Variants in GARNL3 observed in about 807,000 individuals in gnomAD.
GARNL3 encodes the protein GTPase-activating Rap/Ran-GAP domain-like protein 3.
GARNL3 carries 63 observed loss-of-function variants against 125.0 expected under a neutral mutation model. That is an observed-to-expected ratio of 0.50 (90% confidence interval 0.41 to 0.62). GARNL3 has a LOEUF of 0.62. Ranked by LOEUF, GARNL3 falls within the 20% of genes least tolerant of loss-of-function variation. The pLI is 0.00. For synonymous variants in GARNL3, 439 were observed against 457.5 expected, an observed-to-expected ratio of 0.96 and a Z score of 0.52; for missense variants, 994 against 1,244.0, an observed-to-expected ratio of 0.80 and a Z score of 3.02.
chr9:127,380,250 C>T (rs989165779), intron 22 of GARNL3, among the ~76,000 whole-genome samples: 6 of 144,834 alleles, frequency 4.1e-5, no homozygotes, highest in Non-Finnish European at 7.6e-5. Context: ...CAGTATTTCT[C>T]CCTGGGACAT....
Position 127,349,155 on chromosome 9 carries a change from G to A in GARNL3, c.1543+120G>A, listed in dbSNP as rs59477966. ...ATGTGTGATCTGCAGAGAGTTTAGC[G>A]AAGTTTTATTTCCTTATGAAATTAA... is the stretch of plus-strand genomic sequence containing the variant. On this transcript the variant is annotated intron_variant, in intron 17 of 27. Coordinates refer to ENST00000373387, the MANE Select transcript of GARNL3 (RefSeq NM_032293.5). 4,662 of 717,692 alleles carry A rather than the reference G, an allele frequency of 6.5e-3. 131 individuals carry two copies. The East Asian group carries it at 0.075, about 12-fold the overall frequency. The allele number at this position is 717,692 out of a possible 1,614,324, so 44.5% of individuals were successfully genotyped here. A position where few individuals can be genotyped will look rare whatever the true frequency, so the allele number is the denominator to read the frequency against.
rs1284330173 is a variant in GARNL3, at chr9:127,242,851, T to C, written c.-28-228T>C. Among the ~76,000 whole-genome samples the C allele has an allele frequency of 6.6e-6, 1 of 152,114 alleles. No homozygotes were observed. On this transcript the variant is annotated intron_variant, in intron 1 of 10. Transcript: ENST00000439286. This position sits in a 1 kb window ranked among gnomAD's most constrained non-coding sequence, Gnocchi z 4.6. ...TTTATACTCCGCGGACTTAACTGAT[T>C]GCTGAGGGATGTAACAGGACTTGGA...
At chr9:127,333,677 A>G (rs1379884598) in intron 9 of GARNL3, among the ~76,000 whole-genome samples, 1 of 152,072 alleles carries the variant, frequency 6.6e-6, no homozygotes, top group Non-Finnish European at 1.5e-5. Context: ...AGCAGAGAGA[A>G]CATCCATGAA....
chr9:127,390,535 C>T, intron 26 of GARNL3, 106 bp from the exon 27 acceptor site: 1 of 972,976 alleles, frequency 1.0e-6, no homozygotes, highest in Non-Finnish European at 1.6e-6. Context: ...CTTCCTGACT[C>T]TAGCACAACA....
chr9:127,389,366 C>T (rs1050847245), intron 26 of GARNL3, among the ~76,000 whole-genome samples: 7 of 152,142 alleles, frequency 4.6e-5, no homozygotes, highest in African/African-American at 1.7e-4. Context: ...GGGAAATGGG[C>T]AGTTTATAAA....
chr9:127,354,560 CAGA>C (rs938686086), intron 19 of GARNL3, 150 bp downstream of exon 19: 1 of 558,564 alleles, frequency 1.8e-6, no homozygotes, highest in Non-Finnish European at 3.2e-6. Flanking sequence ...TCACTGTTTC[CAGA>C]AGGAGCTTGA....
At chr9:127,333,540 T>A (rs142102694) in intron 9 of GARNL3, among the ~76,000 whole-genome samples, 46 of 152,252 alleles carry the variant, frequency 3.0e-4, no homozygotes, top group Non-Finnish European at 6.0e-4. Flanking sequence ...GAAGAAAAAG[T>A]ACAGAGTGCT....
At chr9:127,348,183 G>A (rs541294163) in intron 16 of GARNL3, among the ~76,000 whole-genome samples, 39 of 152,308 alleles carry the variant, frequency 2.6e-4, no homozygotes, top group African/African-American at 9.1e-4. Flanking sequence ...CCAGTGCTTT[G>A]GAGGGAAGCT....
chr9:127,291,327 A>C, intron 2 of GARNL3, 85 bp downstream of exon 2: 1 of 1,179,394 alleles, frequency 8.5e-7, no homozygotes, highest in Non-Finnish European at 1.3e-6. Context: ...GTTCTGGAAG[A>C]GGTAAATAGA....
chr9:127,263,979 C>A, upstream of GARNL3: 2 of 1,528,488 alleles, frequency 1.3e-6, no homozygotes, highest in East Asian at 4.9e-5. Flanking sequence ...TGCAACCTAC[C>A]TTTTAAGGAA....
intron 21 of GARNL3, chr9:127,362,918 G>A (rs770874549): frequency 3.9e-5 from 6 of 152,254 alleles, no homozygotes; most frequent in Non-Finnish European, 8.8e-5. Context: ...GAAACTGAAG[G>A]TCCGAGAGGG....
Position 127,274,913 on chromosome 9 carries a change from T to C in GARNL3, c.144+9892T>C, listed in dbSNP as rs1272210305. 2.6e-5 allele frequency among the ~76,000 whole-genome samples: 4 copies of C among 152,150 alleles called. No homozygotes were observed. In the East Asian group the frequency reaches 5.8e-4, roughly 22 times the overall value. On this transcript the variant is annotated intron_variant, in intron 1 of 27. Coordinates refer to ENST00000373387, the MANE Select transcript of GARNL3 (RefSeq NM_032293.5). ...CATAAGTCTCTAAACACACAGACTT[T>C]CTTGGTGTCTGTTTGGTAACAGCCG...
intron 1 of GARNL3, among the ~76,000 whole-genome samples, chr9:127,284,164 G>T (rs1047745340): frequency 1.3e-5 from 2 of 152,060 alleles, no homozygotes; most frequent in African/African-American, 2.4e-5. Context: ...GCCTTTGTGG[G>T]GCAGTGTTGT....
In GARNL3 at chr9:127,392,566, G is replaced by A. The variant is rs547869747; in HGVS notation, c.2871-517G>A. ...TGTGTGAGGCCGAGAGTGGGCAGCA[G>A]CTGAGCCAGGTGGGCTTTTGCAGGC... is the stretch of plus-strand genomic sequence containing the variant. On this transcript the variant is annotated intron_variant, in intron 27 of 27. Transcript: ENST00000373387. This position sits in a 1 kb window ranked among gnomAD's most constrained non-coding sequence, Gnocchi z 5.2. 4.6e-5 allele frequency among the ~76,000 whole-genome samples: 7 copies of A among 152,262 alleles called. No individual in the cohort carries two copies. The highest frequency in any genetic ancestry group is 1.7e-4 in the African/African-American group (7 of 41,470).
At chr9:127,344,896 C>G (rs1290560379) in intron 15 of GARNL3, among the ~76,000 whole-genome samples, 1 of 152,190 alleles carries the variant, frequency 6.6e-6, no homozygotes, top group East Asian at 1.9e-4. Flanking sequence ...GGCGACACAG[C>G]TGTCTGCCTT....
At chr9:127,230,261 G>T (rs1404323031) in intron 1 of GARNL3, among the ~76,000 whole-genome samples, 1 of 152,184 alleles carries the variant, frequency 6.6e-6, no homozygotes, top group African/African-American at 2.4e-5. Flanking sequence ...AAAATGACCT[G>T]CCTCAAAGTA....
At chr9:127,350,297 G>A (rs114808154) in intron 17 of GARNL3, among the ~76,000 whole-genome samples, 1,811 of 152,260 alleles carry the variant, frequency 0.012, 47 homozygotes, top group African/African-American at 0.042. Context: ...AAGATGCTGA[G>A]AATAGTTTAT....
At position 127,387,180 on chromosome 9, in the gene GARNL3, T is replaced by C; in HGVS notation, c.2389-13T>C. ...CACCAGGCAGCCCGGTAATGCTCTC[T>C]CTTCCTTTCTAGTCGGATATATACT... On this transcript the variant is annotated splice_polypyrimidine_tract_variant and intron_variant, in intron 24 of 27. Coordinates refer to ENST00000373387, the MANE Select transcript of GARNL3 (RefSeq NM_032293.5). 6.2e-7 allele frequency: 1 copy of C among 1,608,698 alleles called. No homozygotes were observed. Among genetic ancestry groups the C allele is most frequent in the Non-Finnish European group, 8.5e-7 (1 of 1,176,970 alleles).
upstream of GARNL3, among the ~76,000 whole-genome samples, chr9:127,261,291 C>T (rs2063583724): frequency 6.6e-6 from 1 of 151,866 alleles, no homozygotes; most frequent in Non-Finnish European, 1.5e-5. Flanking sequence ...CATTTAAGAC[C>T]CAGGCCCCTT....
Sources: gnomAD v4.1 joint callset for allele counts (sites outside exome capture counted in the v4.1 genomes callset) on GRCh38, gnomAD v4.1.1 for gene constraint, Gnocchi (gnomAD v3.1) non-coding constraint, MANE v1.5 for transcripts, NCBI Gene and HGNC (gene_info 2026-07-23, HGNC 2026-07-21) for gene names.